The following RAB38 variants were observed in gnomAD, a reference collection of about 807,000 sequenced individuals.
The protein encoded by RAB38 is ras-related protein Rab-38.
Under a neutral mutation model 18.4 loss-of-function variants are expected in RAB38, and 15 were observed. The ratio of observed to expected loss-of-function variants is 0.82; its 90% CI spans 0.55 to 1.26. RAB38 has a LOEUF of 1.26. Among genes scored for constraint, RAB38 ranks in the 50% most tolerant of loss-of-function variants. The pLI is 0.00. For synonymous variants in RAB38, 101 were observed against 104.4 expected (o/e 0.97, Z 0.20); for missense variants, 294 against 267.4 (o/e 1.10, Z -0.69).
chr11:87,865,457 T>TAG, the RAB38 span, among the ~76,000 whole-genome samples: 1 of 151,712 alleles, frequency 6.6e-6, no homozygotes, highest in East Asian at 1.9e-4. Flanking sequence ...GAATTCTGGC[T>TAG]CATGCGTACC....
Position 88,113,851 on chromosome 11 carries a change from T to C in RAB38, c.*137A>G. The stretch of plus-strand genomic sequence containing the variant: ...AGAACATTTGCTATTTCTCTCTCAC[T>C]GAAAAAACAGAGGCATAGATCTTTG... On this transcript the variant is annotated 3_prime_UTR_variant, in exon 3 of 3. Transcript: ENST00000243662. 1.0e-6 allele frequency: 1 copy of C among 996,526 alleles called. No individual in the cohort carries two copies. Among genetic ancestry groups the C allele is most frequent in the South Asian group, 1.7e-5 (1 of 60,476 alleles). 61.7% of individuals were successfully genotyped at this position (996,526 alleles called of 1,614,324 possible).
At chr11:87,924,736 T>G in the RAB38 span, among the ~76,000 whole-genome samples, 1 of 151,944 alleles carries the variant, frequency 6.6e-6, no homozygotes, top group Non-Finnish European at 1.5e-5. Flanking sequence ...AACTGAGGCT[T>G]GAGAAGACGA....
chr11:87,820,534 A>G, the RAB38 span, among the ~76,000 whole-genome samples: 1 of 152,226 alleles, frequency 6.6e-6, no homozygotes, highest in Non-Finnish European at 1.5e-5. Context: ...AGAGTGGTCA[A>G]GAATTGGCAA....
chr11:87,819,983 C>T, the RAB38 span, among the ~76,000 whole-genome samples: 1 of 151,900 alleles, frequency 6.6e-6, no homozygotes, highest in South Asian at 2.1e-4. Context: ...TACAGGAGGC[C>T]AATTTTATGG....
At chr11:88,014,902 CAA>C in the RAB38 span, among the ~76,000 whole-genome samples, 2 of 152,002 alleles carry the variant, frequency 1.3e-5, no homozygotes, top group South Asian at 2.1e-4. Context: ...CTGTGGGAAA[CAA>C]GACAGATATG....
chr11:87,868,012 T>C, the RAB38 span, among the ~76,000 whole-genome samples: 2 of 151,764 alleles, frequency 1.3e-5, no homozygotes, highest in African/African-American at 4.8e-5. Context: ...ACAGTTGATA[T>C]GTCAAGATTG....
the RAB38 span, among the ~76,000 whole-genome samples, chr11:87,849,560 C>G: frequency 6.6e-6 from 1 of 152,110 alleles, no homozygotes; most frequent in African/African-American, 2.4e-5. Context: ...CAGTCACACC[C>G]TCTGTACCTC....
chr11:87,949,170 T>G, the RAB38 span, among the ~76,000 whole-genome samples: 3 of 152,376 alleles, frequency 2.0e-5, no homozygotes, highest in East Asian at 5.8e-4. Context: ...TTCTAGTTTA[T>G]TTGCATAGAG....
the RAB38 span, among the ~76,000 whole-genome samples, chr11:88,040,582 G>A: frequency 6.6e-6 from 1 of 152,110 alleles, no homozygotes; most frequent in Non-Finnish European, 1.5e-5. Context: ...GCTCATGCCT[G>A]TAGTCCCGCA....
chr11:87,885,764 C>A, the RAB38 span, among the ~76,000 whole-genome samples: 21 of 152,052 alleles, frequency 1.4e-4, no homozygotes, highest in African/African-American at 5.1e-4. Flanking sequence ...AACTGGGGAC[C>A]AGTTGCCTTG....
the RAB38 span, among the ~76,000 whole-genome samples, chr11:87,870,798 T>C: frequency 6.6e-6 from 1 of 151,594 alleles, no homozygotes; most frequent in Admixed American, 6.6e-5. Context: ...AACCTTATCA[T>C]CATATGGGAC....
the RAB38 span, among the ~76,000 whole-genome samples, chr11:87,897,906 C>T: frequency 3.4e-4 from 51 of 151,666 alleles, no homozygotes; most frequent in African/African-American, 1.1e-3. Flanking sequence ...TGGGCTTAAG[C>T]AAAGACATGA....
At chr11:88,079,192 TA>T in the RAB38 span, among the ~76,000 whole-genome samples, 3 of 151,940 alleles carry the variant, frequency 2.0e-5, no homozygotes, top group East Asian at 5.8e-4. Flanking sequence ...AATCTCTGGT[TA>T]AACTGGAAGA....
the RAB38 span, among the ~76,000 whole-genome samples, chr11:88,055,632 G>T: frequency 2.6e-5 from 4 of 152,156 alleles, no homozygotes; most frequent in Admixed American, 6.5e-5. Context: ...AAAGAGTATG[G>T]TGCTTGAATA....
chr11:87,942,898 T>C, the RAB38 span, among the ~76,000 whole-genome samples: 122 of 152,274 alleles, frequency 8.0e-4, no homozygotes, highest in African/African-American at 2.7e-3. Context: ...CTCTGTAATT[T>C]TGTAAATGAG....
chr11:87,844,265 T>A, the RAB38 span, among the ~76,000 whole-genome samples: 1 of 152,214 alleles, frequency 6.6e-6, no homozygotes, highest in Non-Finnish European at 1.5e-5. Context: ...GGATAGTAAT[T>A]CATTTAGAAC....
the RAB38 span, among the ~76,000 whole-genome samples, chr11:87,835,091 G>T: frequency 6.6e-6 from 1 of 152,138 alleles, no homozygotes; most frequent in Non-Finnish European, 1.5e-5. Context: ...TTCTTTAGTT[G>T]TCAGGTTTAG....
chr11:87,873,150 A>G, the RAB38 span, among the ~76,000 whole-genome samples: 1 of 151,578 alleles, frequency 6.6e-6, no homozygotes, highest in East Asian at 2.0e-4. Flanking sequence ...TCTAACAGGT[A>G]CGTAATAATA....
At chr11:87,925,183 G>A in the RAB38 span, among the ~76,000 whole-genome samples, 1 of 152,026 alleles carries the variant, frequency 6.6e-6, no homozygotes, top group Non-Finnish European at 1.5e-5. Flanking sequence ...TCCTAGATCT[G>A]AGTATACTGA....
Sources: gnomAD v4.1 joint callset for allele counts (sites outside exome capture counted in the v4.1 genomes callset) on GRCh38, gnomAD v4.1.1 for gene constraint, MANE v1.5 for transcripts, NCBI Gene and HGNC (gene_info 2026-07-23, HGNC 2026-07-21) for gene names.